The following ZNF391 variants were observed in gnomAD, a reference collection of about 807,000 sequenced individuals.
The protein encoded by ZNF391 is zinc finger protein 391.
For missense variants in ZNF391, 375 were observed against 425.5 expected (o/e 0.88, Z 1.04); for synonymous variants, 126 against 142.1 (o/e 0.89, Z 0.80).
chr6:27,383,929 C>T (rs1271442295), upstream of ZNF391, among the ~76,000 whole-genome samples: 1 of 152,044 alleles, frequency 6.6e-6, no homozygotes, highest in Non-Finnish European at 1.5e-5. Flanking sequence ...TTCTCAGAAA[C>T]CATGCAAACA....
Position 27,388,835 on chromosome 6 carries a change from T to G in ZNF391, c.-428T>G, listed in dbSNP as rs899429969. 4 of 438,718 alleles carry G rather than the reference T, an allele frequency of 9.1e-6. No individual in the cohort carries two copies. Among genetic ancestry groups the G allele is most frequent in the African/African-American group, 2.1e-5 (1 of 48,726 alleles). The allele number at this position is 438,718 out of a possible 1,614,324, so 27.2% of individuals were successfully genotyped here. A position where few individuals can be genotyped will look rare whatever the true frequency, so the allele number is the denominator to read the frequency against. On this transcript the variant is annotated 5_prime_UTR_variant, in exon 1 of 3. Transcript: ENST00000244576. ...AGGCGACTGCCCAGACAATGACTGG[T>G]CCCGCATACCGAGCAGAGCATGATC...
chr6:27,378,449 G>A (rs990023556), intron 1 of ZNF391, among the ~76,000 whole-genome samples: 14 of 152,120 alleles, frequency 9.2e-5, no homozygotes, highest in African/African-American at 3.4e-4. Context: ...TGGTGAGCAG[G>A]GGTGGGGGTC....
chr6:27,387,034 A>G (rs904180034), upstream of ZNF391, among the ~76,000 whole-genome samples: 4 of 152,340 alleles, frequency 2.6e-5, no homozygotes, highest in East Asian at 7.7e-4. Flanking sequence ...ATTCAAAAAT[A>G]GGCAAAGGAT....
intron 1 of ZNF391, among the ~76,000 whole-genome samples, chr6:27,380,440 A>G (rs1368747876): frequency 2.6e-5 from 4 of 151,880 alleles, no homozygotes; most frequent in Non-Finnish European, 5.9e-5. Flanking sequence ...GCTGGCTTCA[A>G]GAGTGAAGCT....
chr6:27,375,915 C>A (rs1419965516), intron 1 of ZNF391, among the ~76,000 whole-genome samples: 1 of 152,094 alleles, frequency 6.6e-6, no homozygotes, highest in African/African-American at 2.4e-5. Context: ...TCAAAGACAC[C>A]GTTACAGAAT....
chr6:27,393,797 T>C (rs1761766017), intron 1 of ZNF391, among the ~76,000 whole-genome samples: 1 of 152,192 alleles, frequency 6.6e-6, no homozygotes, highest in African/African-American at 2.4e-5. Context: ...ATGAGGAACT[T>C]ATTGGGAACT....
At chr6:27,378,232 C>T (rs1194518349) in intron 1 of ZNF391, among the ~76,000 whole-genome samples, 3 of 152,174 alleles carry the variant, frequency 2.0e-5, no homozygotes, top group South Asian at 2.1e-4. Context: ...CATAAAGTTC[C>T]CTGGCACCCC....
chr6:27,392,579 T>A (rs566136100), intron 1 of ZNF391, among the ~76,000 whole-genome samples: 30 of 152,344 alleles, frequency 2.0e-4, no homozygotes, highest in Non-Finnish European at 4.1e-4. Flanking sequence ...TAGATAGGGC[T>A]GTTAGTGAGG....
Position 27,376,809 on chromosome 6 carries a change from C to T in ZNF391, n.523+1672C>T, listed in dbSNP as rs946527241. On this transcript the variant is annotated intron_variant and non_coding_transcript_variant, in intron 1 of 2. Coordinates refer to the ZNF391 transcript ENST00000477999. The surrounding 1 kb of genome is among the most constrained non-coding windows in gnomAD (Gnocchi z 4.7). ...TGGAGGTTGCAGTGAGCCGAGATTG[C>T]GCCACTGCACTCCAGCCTGGGCGAC... Among the ~76,000 whole-genome samples, 59 of 152,110 alleles carry T rather than the reference C, an allele frequency of 3.9e-4. No homozygotes were observed. The highest frequency in any genetic ancestry group is 1.4e-3 in the African/African-American group (59 of 41,478).
At chr6:27,396,817 T>TA (rs1245574400) in intron 1 of ZNF391, among the ~76,000 whole-genome samples, 1 of 152,228 alleles carries the variant, frequency 6.6e-6, no homozygotes, top group Non-Finnish European at 1.5e-5. Context: ...CATAAAGTGT[T>TA]ACTAGGTTTT....
At chr6:27,390,600 T>A (rs1011081986) in intron 1 of ZNF391, among the ~76,000 whole-genome samples, 1 of 152,186 alleles carries the variant, frequency 6.6e-6, no homozygotes, top group South Asian at 2.1e-4. Flanking sequence ...CTAGACTTCC[T>A]TTTCCCATCT....
intron 1 of ZNF391, among the ~76,000 whole-genome samples, chr6:27,378,857 G>A (rs1234794313): frequency 6.6e-6 from 1 of 152,016 alleles, no homozygotes; most frequent in African/African-American, 2.4e-5. Flanking sequence ...TTAGCCTATG[G>A]GTTTGAAGGT....
Position 27,401,720 on chromosome 6 carries a change from ACT to A in ZNF391, c.*275_*276del, listed in dbSNP as rs1761975687. 1 of 280,426 alleles carries A rather than the reference ACT, an allele frequency of 3.6e-6. No homozygotes were observed. Among genetic ancestry groups the A allele is most frequent in the Non-Finnish European group, 6.7e-6 (1 of 149,858 alleles). The allele number at this position is 280,426 out of a possible 1,614,324, so 17.4% of individuals were successfully genotyped here. ...AAGTTCACAATAAAACAAAGGGATG[ACT>A]CAAAAAACATAACATATGAAATCTA... On this transcript the variant is annotated 3_prime_UTR_variant, in exon 3 of 3. Coordinates refer to ENST00000244576, the MANE Select transcript of ZNF391 (RefSeq NM_001076781.3).
At chr6:27,389,231 T>G (rs1482960044) in intron 1 of ZNF391, 156 bp downstream of exon 1, 1 of 456,554 alleles carries the variant, frequency 2.2e-6, no homozygotes, top group Non-Finnish European at 4.4e-6. Context: ...CCAGCGCTCG[T>G]CTCACTGGCG....
intron 1 of ZNF391, among the ~76,000 whole-genome samples, chr6:27,393,481 G>C (rs2113653086): frequency 6.6e-6 from 1 of 152,324 alleles, no homozygotes; most frequent in South Asian, 2.1e-4. Context: ...CTGAAGAACT[G>C]TGAGCCAGTT....
intron 1 of ZNF391, among the ~76,000 whole-genome samples, chr6:27,396,161 A>G (rs1018532324): frequency 4.6e-5 from 7 of 152,196 alleles, no homozygotes; most frequent in African/African-American, 1.7e-4. Context: ...AGATAATACT[A>G]CCTACCTACC....
Position 27,401,113 on chromosome 6 carries a change from C to G in ZNF391, c.743C>G (p.Pro248Arg), listed in dbSNP as rs1257272634. The G allele has an allele frequency of 6.2e-7, 1 of 1,614,050 alleles. No individual in the cohort carries two copies. The highest frequency in any genetic ancestry group is 8.5e-7 in the Non-Finnish European group (1 of 1,180,038). The change falls in exon 3 of 3, where the codon CCC becomes CGC. Residue 248 changes from proline (P) to arginine (R), a missense_variant. Physicochemically the swap from Pro to Arg is moderately radical, Grantham distance 103. Transcript: ENST00000244576. ...QHQRIHTGEN[P>R]YECSKCGKAF... ...CAACGAATACACACTGGAGAGAATC[C>G]CTATGAATGCAGTAAATGTGGAAAA...
intron 1 of ZNF391, among the ~76,000 whole-genome samples, chr6:27,382,425 A>G (rs372633940): frequency 6.6e-6 from 1 of 152,224 alleles, no homozygotes; most frequent in Non-Finnish European, 1.5e-5. Flanking sequence ...TACTCAGCAC[A>G]GCATTTCCAT....
At chr6:27,395,489 A>G (rs567286171) in intron 1 of ZNF391, among the ~76,000 whole-genome samples, 7 of 152,298 alleles carry the variant, frequency 4.6e-5, no homozygotes, top group African/African-American at 1.7e-4. Context: ...CCATGCTTTT[A>G]CAGCCTGCAG....
Sources: gnomAD v4.1 joint callset for allele counts (sites outside exome capture counted in the v4.1 genomes callset) on GRCh38, gnomAD v4.1.1 for gene constraint, Gnocchi (gnomAD v3.1) non-coding constraint, MANE v1.5 for transcripts, NCBI Gene and HGNC (gene_info 2026-07-23, HGNC 2026-07-21) for gene names.